UBAP2: variants seen among roughly 807,000 people sequenced by gnomAD.
The protein encoded by UBAP2 is ubiquitin associated protein 2.
In UBAP2, 75 loss-of-function variants were observed where a neutral mutation model predicts 139.6. The observed-to-expected ratio is 0.54, with a 90% CI of 0.45 to 0.65. The LOEUF (loss-of-function observed/expected upper bound fraction) is 0.65. Among genes scored for constraint, UBAP2 ranks in the 30% least tolerant of loss-of-function variants. UBAP2 has a pLI of 0.00. For missense variants in UBAP2, 1,368 were observed against 1,369.6 expected, an observed-to-expected ratio of 1.00 and a Z score of 0.02; for synonymous variants, 526 against 526.2, an observed-to-expected ratio of 1.00 and a Z score of 0.01.
intron 6 of UBAP2, among the ~76,000 whole-genome samples, chr9:33,978,030 A>C (rs888661872): frequency 6.6e-6 from 1 of 151,128 alleles, no homozygotes; most frequent in Non-Finnish European, 1.5e-5. Flanking sequence ...AAAAAAAAAA[A>C]AAAAAAGACT....
chr9:34,002,916 C>G (rs898962733), intron 2 of UBAP2, among the ~76,000 whole-genome samples: 1 of 151,978 alleles, frequency 6.6e-6, no homozygotes, highest in Non-Finnish European at 1.5e-5. Flanking sequence ...TTGAACCCCC[C>G]GAGCTTAAGC....
intron 12 of UBAP2, among the ~76,000 whole-genome samples, chr9:33,952,301 T>C (rs1252381756): frequency 6.6e-6 from 1 of 152,216 alleles, no homozygotes; most frequent in African/African-American, 2.4e-5. Flanking sequence ...GCAACATTCT[T>C]GTATAAGCTA....
intron 1 of UBAP2, among the ~76,000 whole-genome samples, chr9:34,033,927 G>A (rs1000416514): frequency 6.6e-6 from 1 of 151,852 alleles, no homozygotes; most frequent in African/African-American, 2.4e-5. Flanking sequence ...GTAGAGACGG[G>A]GTTTCGTCAT....
chr9:34,028,379 T>TATTTATTTATTTA (rs1825595812), intron 1 of UBAP2, among the ~76,000 whole-genome samples: 1 of 151,170 alleles, frequency 6.6e-6, no homozygotes, highest in Admixed American at 6.7e-5. Context: ...TTTATTTATT[T>TATTTATTTATTTA]ATTTATTTAT....
intron 2 of UBAP2, among the ~76,000 whole-genome samples, chr9:34,009,283 G>C (rs914651110): frequency 1.3e-5 from 2 of 151,976 alleles, no homozygotes; most frequent in African/African-American, 4.8e-5. Flanking sequence ...ATTTTTAGTA[G>C]AGATGGGGTT....
chr9:33,932,517 C>T (rs1824073270), intron 19 of UBAP2, 45 bp downstream of exon 19: 2 of 1,609,970 alleles, frequency 1.2e-6, no homozygotes, highest in South Asian at 1.1e-5. Flanking sequence ...AAGCTCCAGG[C>T]TCCCCAAGCA....
At chr9:33,967,713 A>G (rs1047958002) in intron 8 of UBAP2, among the ~76,000 whole-genome samples, 3 of 152,238 alleles carry the variant, frequency 2.0e-5, no homozygotes, top group African/African-American at 7.2e-5. Context: ...TCTGAAAATC[A>G]GAAATGTCAT....
chr9:34,039,527 G>A (rs1212705808), intron 1 of UBAP2, among the ~76,000 whole-genome samples: 1 of 152,072 alleles, frequency 6.6e-6, no homozygotes, highest in Non-Finnish European at 1.5e-5. Flanking sequence ...TTCTGCCTTG[G>A]GATGCTGTTA....
At chr9:33,950,228 G>A (rs1825989193) in intron 12 of UBAP2, among the ~76,000 whole-genome samples, 1 of 151,966 alleles carries the variant, frequency 6.6e-6, no homozygotes, top group Non-Finnish European at 1.5e-5. Context: ...ACCACGCCCG[G>A]CTTTTTTGTT....
chr9:33,932,703 T>C lies in UBAP2; in HGVS notation c.2109-75A>G, dbSNP rs529277401. On this transcript the variant is annotated intron_variant, in intron 18 of 28. Coordinates refer to ENST00000379238, the MANE Select transcript of UBAP2 (RefSeq NM_001370062.2). ...GATGAACAAGACGCACGTGGGTCAG[T>C]GAGCTAGATTCAAACTTATCATAGT... 83 of 1,505,632 alleles carry C rather than the reference T, an allele frequency of 5.5e-5. No individual in the cohort carries two copies. The East Asian group carries it at 1.8e-3, about 33-fold the overall frequency. The allele number at this position is 1,505,632 out of a possible 1,614,324, so 93.3% of individuals were successfully genotyped here. A position where few individuals can be genotyped will look rare whatever the true frequency, so the allele number is the denominator to read the frequency against.
chr9:34,008,652 G>A (rs902126712), intron 2 of UBAP2, among the ~76,000 whole-genome samples: 13 of 151,550 alleles, frequency 8.6e-5, no homozygotes, highest in Admixed American at 2.0e-4. Context: ...ACACTTTACA[G>A]AAAAGGTTAG....
intron 10 of UBAP2, among the ~76,000 whole-genome samples, chr9:33,959,903 TA>T (rs913051830): frequency 2.7e-4 from 40 of 149,898 alleles, no homozygotes; most frequent in East Asian, 5.8e-4. Flanking sequence ...CAGATAAGCT[TA>T]AAAAAAAAAT....
rs1825839890 is a variant in UBAP2 at position 33,948,571 on chromosome 9, G to A, written c.1073C>T (p.Ser358Leu). Reference sequence around the variant, plus strand: ...TGGTGGTGCAAGCTCTCCAAATCCTGAGCCAAGGACGGATGACTTTAAAAG... The same window carrying A: ...TGGTGGTGCAAGCTCTCCAAATCCTAAGCCAAGGACGGATGACTTTAAAAG... ...SPQSLSSVLG[S>L]GFGELAPPKM... The change falls in exon 13 of 29, where the codon TCA (serine) becomes TTA (leucine). Residue 358 changes from serine to leucine, a missense_variant. Coordinates refer to ENST00000379238, the MANE Select transcript of UBAP2 (RefSeq NM_001370062.2). The A allele has an allele frequency of 1.9e-6, 3 of 1,614,146 alleles. No individual in the cohort carries two copies. The highest frequency in any genetic ancestry group is 2.5e-6 in the Non-Finnish European group (3 of 1,180,026).
chr9:33,968,370 C>T, intron 8 of UBAP2: 1 of 575,638 alleles, frequency 1.7e-6, no homozygotes, highest in Non-Finnish European at 3.5e-6. Flanking sequence ...ACAATAACAT[C>T]ATAAATTATT....
intron 1 of UBAP2, among the ~76,000 whole-genome samples, chr9:34,034,831 C>T (rs1826187809): frequency 6.6e-6 from 1 of 151,964 alleles, no homozygotes; most frequent in African/African-American, 2.4e-5. Context: ...CAAGATCACG[C>T]CACTGCACTC....
chr9:33,946,401 T>G lies in UBAP2; in HGVS notation c.1271-1762A>C, dbSNP rs555964151. Among the ~76,000 whole-genome samples, 77 of 152,328 alleles carry G rather than the reference T, an allele frequency of 5.1e-4. 1 individual carries two copies. Among genetic ancestry groups the G allele is most frequent in the African/African-American group, 1.8e-3 (75 of 41,576 alleles). On this transcript the variant is annotated intron_variant, in intron 13 of 28. Transcript: ENST00000379238. ...TCTATTATAGTTCTAGATTCACTAT[T>G]TATGTTTAACTATCTGACCCACTGG...
chr9:34,000,542 T>C (rs1411450026), intron 2 of UBAP2, among the ~76,000 whole-genome samples: 1 of 152,212 alleles, frequency 6.6e-6, no homozygotes, highest in Non-Finnish European at 1.5e-5. Flanking sequence ...CTATTAAATC[T>C]AAAATTACTC....
At chr9:33,996,454 T>A in intron 3 of UBAP2, 121 bp from the exon 4 acceptor site, 1 of 663,974 alleles carries the variant, frequency 1.5e-6, no homozygotes, top group South Asian at 2.0e-5. Flanking sequence ...TCTTCTAGAC[T>A]CTTGAGTTTA....
chr9:33,926,856 CAG>C (rs1422065891), intron 21 of UBAP2, 131 bp downstream of exon 21: 1 of 1,007,838 alleles, frequency 9.9e-7, no homozygotes, highest in African/African-American at 1.6e-5. Context: ...CTCAGTGGGG[CAG>C]AGACGGGGGT....
Sources: gnomAD v4.1 joint callset for allele counts (sites outside exome capture counted in the v4.1 genomes callset) on GRCh38, gnomAD v4.1.1 for gene constraint, MANE v1.5 for transcripts, NCBI Gene and HGNC (gene_info 2026-07-23, HGNC 2026-07-21) for gene names.